SYT17: variants seen among roughly 807,000 people sequenced by gnomAD.
SYT17 encodes the protein synaptotagmin 17.
In SYT17, 22 loss-of-function variants were observed where a neutral mutation model predicts 46.7. The observed-to-expected ratio is 0.47, with a 90% CI of 0.34 to 0.67. The LOEUF is 0.67. Ranked by LOEUF, SYT17 falls within the 30% of genes least tolerant of loss-of-function variation. The pLI is 0.01. For missense variants in SYT17, 519 were observed against 612.8 expected (o/e 0.85, Z 1.62); for synonymous variants, 251 against 248.4 (o/e 1.01, Z -0.10).
intron 7 of SYT17, among the ~76,000 whole-genome samples, chr16:19,254,845 T>A (rs1056185842): frequency 6.6e-5 from 10 of 152,210 alleles, no homozygotes; most frequent in Admixed American, 3.3e-4. Flanking sequence ...CACACATGGA[T>A]CTGAAAGTGA....
intron 7 of SYT17, among the ~76,000 whole-genome samples, chr16:19,266,281 G>A (rs1400317430): frequency 6.6e-6 from 1 of 152,208 alleles, no homozygotes; most frequent in East Asian, 1.9e-4. Context: ...GCCTCCGCAG[G>A]GGCCATTTGG....
chr16:19,248,278 C>T (rs1005554082), intron 7 of SYT17, among the ~76,000 whole-genome samples: 4 of 152,120 alleles, frequency 2.6e-5, no homozygotes, highest in South Asian at 2.1e-4. Flanking sequence ...GGTGGGAATG[C>T]AAGATGCTAC....
chr16:19,176,698 T>C (rs115950741), intron 3 of SYT17, among the ~76,000 whole-genome samples: 1 of 152,182 alleles, frequency 6.6e-6, no homozygotes, highest in African/African-American at 2.4e-5. Context: ...TCACCCCTTG[T>C]AGAGATAGGC....
intron 5 of SYT17, among the ~76,000 whole-genome samples, chr16:19,206,241 G>T (rs1041899965): frequency 6.6e-6 from 1 of 152,124 alleles, no homozygotes; most frequent in East Asian, 1.9e-4. Flanking sequence ...GAAGCTAGAA[G>T]GTAAGAGGAA....
chr16:19,211,399 T>C, intron 5 of SYT17: 1 of 703,734 alleles, frequency 1.4e-6, no homozygotes, highest in Non-Finnish European at 2.6e-6. Flanking sequence ...TTTCTGGTGC[T>C]GTGAATATAG....
At chr16:19,250,203 A>G (rs1967942706) in intron 7 of SYT17, 2 of 974,916 alleles carry the variant, frequency 2.1e-6, no homozygotes, top group African/African-American at 3.4e-5. Flanking sequence ...AGATTCTGTA[A>G]TGAACATTTT....
In SYT17 at chr16:19,173,417, C is replaced by T; in HGVS notation, c.34-13C>T. ...TCCCCCATCCCCCCGCCCACCTCCC[C>T]CAATGGCCTCAGGGTTTTCTTTCTA... On this transcript the variant is annotated splice_polypyrimidine_tract_variant and intron_variant, in intron 2 of 7. Coordinates refer to ENST00000355377, the MANE Select transcript of SYT17 (RefSeq NM_016524.4). The T allele has an allele frequency of 6.4e-7, 1 of 1,559,276 alleles. No individual in the cohort carries two copies. Among genetic ancestry groups the T allele is most frequent in the Non-Finnish European group, 8.7e-7 (1 of 1,148,688 alleles).
chr16:19,255,104 C>T (rs1374198659), intron 7 of SYT17, among the ~76,000 whole-genome samples: 1 of 152,184 alleles, frequency 6.6e-6, no homozygotes, highest in East Asian at 1.9e-4. Flanking sequence ...GTGCTGAGCT[C>T]CCAAGCTCTG....
rs755917245 is a variant in SYT17 at position 19,184,183 on chromosome 16, C to G, written c.951+36C>G. On this transcript the variant is annotated intron_variant, in intron 5 of 7. Transcript: ENST00000355377. ...GGTTTGTGGTGTTTCCTCCTGGGAG[C>G]TTTTTTAAAAAGTGATTATTTTTAT... 4.5e-6 allele frequency: 7 copies of G among 1,551,856 alleles called. No individual in the cohort carries two copies. The Admixed American group carries it at 1.3e-4, about 28-fold the overall frequency.
intron 5 of SYT17, among the ~76,000 whole-genome samples, chr16:19,203,532 T>G (rs1050475197): frequency 3.9e-5 from 6 of 152,154 alleles, no homozygotes; most frequent in African/African-American, 1.4e-4. Context: ...TCCGCTGTGG[T>G]TATTTGTTTA....
At chr16:19,240,853 G>A (rs998845417) in intron 7 of SYT17, among the ~76,000 whole-genome samples, 16 of 152,196 alleles carry the variant, frequency 1.1e-4, no homozygotes, top group Admixed American at 5.9e-4. Flanking sequence ...AAGTCTGGAA[G>A]GGGCCGAGGC....
At chr16:19,203,349 T>A (rs1293225113) in intron 5 of SYT17, among the ~76,000 whole-genome samples, 51 of 105,514 alleles carry the variant, frequency 4.8e-4, no homozygotes, top group African/African-American at 1.8e-3. Flanking sequence ...AAAAAAAAAA[T>A]AGCTGGGCGT....
At chr16:19,216,718 T>G (rs974205647) in intron 5 of SYT17, among the ~76,000 whole-genome samples, 3 of 152,198 alleles carry the variant, frequency 2.0e-5, no homozygotes, top group African/African-American at 7.2e-5. Context: ...AACTCATCCT[T>G]TTTTATGGCT....
intron 7 of SYT17, among the ~76,000 whole-genome samples, chr16:19,260,862 T>A (rs889227781): frequency 6.6e-6 from 1 of 152,224 alleles, no homozygotes; most frequent in Non-Finnish European, 1.5e-5. Flanking sequence ...TTATAAGGAA[T>A]TGGCTTCATT....
intron 7 of SYT17, among the ~76,000 whole-genome samples, chr16:19,244,970 C>G (rs564436846): frequency 1.3e-5 from 2 of 152,274 alleles, no homozygotes; most frequent in South Asian, 2.1e-4. Context: ...GACCACACAG[C>G]CATCTCTGCT....
At chr16:19,194,164 G>A (rs1435839234) in intron 5 of SYT17, among the ~76,000 whole-genome samples, 1 of 152,180 alleles carries the variant, frequency 6.6e-6, no homozygotes, top group Non-Finnish European at 1.5e-5. Context: ...TAAAGAAAAA[G>A]ATGCCAGTCC....
rs188406905 is a variant in SYT17, at chr16:19,197,627, G to A, written c.951+13480G>A. On this transcript the variant is annotated intron_variant, in intron 5 of 7. Transcript: ENST00000355377. ...CCATGCATGGCTAATTTGCTCAGCC[G>A]TGTTGCTCAGGCTGGTCTTGAGCTT... Among the ~76,000 whole-genome samples the A allele has an allele frequency of 8.6e-5, 13 of 151,950 alleles. No homozygotes were observed. In the East Asian group the frequency reaches 1.6e-3, roughly 18 times the overall value.
intron 7 of SYT17, among the ~76,000 whole-genome samples, chr16:19,255,664 A>G (rs1374062766): frequency 6.6e-6 from 1 of 152,166 alleles, no homozygotes; most frequent in Non-Finnish European, 1.5e-5. Flanking sequence ...GTGCCCCTGT[A>G]GTCCCAGCTA....
intron 5 of SYT17, among the ~76,000 whole-genome samples, chr16:19,200,918 G>A (rs117522187): frequency 0.013 from 1,995 of 152,278 alleles, 17 homozygotes; most frequent in Non-Finnish European, 0.023. Flanking sequence ...ATGTGTGGAG[G>A]CAGAAGGTCG....
Sources: allele counts gnomAD v4.1 joint callset (sites outside exome capture counted in the v4.1 genomes callset), GRCh38; gene constraint gnomAD v4.1.1; transcripts MANE v1.5; gene names NCBI Gene and HGNC (gene_info 2026-07-23, HGNC 2026-07-21).